PKN2: variants seen among roughly 807,000 people sequenced by gnomAD.
The protein encoded by PKN2 is serine/threonine-protein kinase N2.
Under a neutral mutation model 119.1 loss-of-function variants are expected in PKN2, and 38 were observed. The observed-to-expected ratio is 0.32, with a 90% CI of 0.25 to 0.42. PKN2 has a LOEUF of 0.42. PKN2 is among the 10% of genes least tolerant of loss of function. The pLI, the probability that PKN2 is intolerant of heterozygous loss-of-function variation, is 1.00. For missense variants in PKN2, 850 were observed against 1,165.1 expected (o/e 0.73, Z 3.94); for synonymous variants, 390 against 384.9 (o/e 1.01, Z -0.15).
intron 1 of PKN2, among the ~76,000 whole-genome samples, chr1:88,708,648 G>GA (rs1485433712): frequency 7.3e-6 from 1 of 137,238 alleles, no homozygotes; most frequent in African/African-American, 2.7e-5. Flanking sequence ...TTAAAGTAGA[G>GA]ATGGGGTTTC....
intron 1 of PKN2, among the ~76,000 whole-genome samples, chr1:88,685,795 G>A (rs1029342173): frequency 6.6e-6 from 1 of 152,162 alleles, no homozygotes; most frequent in African/African-American, 2.4e-5. Flanking sequence ...AAGAAATTCT[G>A]AAGAGTTGAT....
At chr1:88,780,987 AAAGTTATAT>A (rs1298722007) in intron 6 of PKN2, 3 of 636,544 alleles carry the variant, frequency 4.7e-6, no homozygotes, top group Non-Finnish European at 5.9e-6. Flanking sequence ...AACTTTACTC[AAAGTTATAT>A]AAGTCACCAA....
At chr1:88,781,219 C>T in intron 6 of PKN2, 1 of 1,126,098 alleles carries the variant, frequency 8.9e-7, no homozygotes, top group African/African-American at 1.6e-5. Context: ...TGGTTCGTCT[C>T]ATACTCCAGT....
chr1:88,763,373 C>T (rs1035547976), intron 3 of PKN2, among the ~76,000 whole-genome samples: 1 of 151,970 alleles, frequency 6.6e-6, no homozygotes, highest in African/African-American at 2.4e-5. Context: ...TTTGGAAGGC[C>T]GAGGCAGGTG....
intron 16 of PKN2, among the ~76,000 whole-genome samples, chr1:88,819,857 A>G (rs1227918176): frequency 6.6e-6 from 1 of 152,110 alleles, no homozygotes; most frequent in African/African-American, 2.4e-5. Flanking sequence ...TGTCCTTTGC[A>G]GGACATGGAT....
rs200846685 is a variant in PKN2 at position 88,733,529 on chromosome 1, A to G, written c.49-7459A>G. Among the ~76,000 whole-genome samples the G allele has an allele frequency of 7.9e-5, 12 of 152,014 alleles. No individual in the cohort carries two copies. The East Asian group carries it at 2.3e-3, about 29-fold the overall frequency. On this transcript the variant is annotated intron_variant, in intron 1 of 21. Coordinates refer to ENST00000370521, the MANE Select transcript of PKN2 (RefSeq NM_006256.4). The stretch of plus-strand genomic sequence containing the variant: ...TAGGCCTTTTGCCCATTTTTTGATC[A>G]GGTTATTTGTTTGTTATTGAGTGTT...
At chr1:88,694,062 T>TCC (rs1666432009) in intron 1 of PKN2, among the ~76,000 whole-genome samples, 1 of 152,212 alleles carries the variant, frequency 6.6e-6, no homozygotes, top group Non-Finnish European at 1.5e-5. Context: ...CCTACATATG[T>TCC]ACATATGCAT....
At chr1:88,805,704 C>G in intron 11 of PKN2, 33 bp downstream of exon 11, 1 of 1,610,012 alleles carries the variant, frequency 6.2e-7, no homozygotes, top group Non-Finnish European at 8.5e-7. Flanking sequence ...ATCTCTTATA[C>G]AAAGTTATTG....
intron 3 of PKN2, among the ~76,000 whole-genome samples, chr1:88,769,753 A>G (rs1296319690): frequency 6.6e-6 from 1 of 152,168 alleles, no homozygotes; most frequent in Non-Finnish European, 1.5e-5. Context: ...TGTGGAATCC[A>G]AAAAAAGCTG....
chr1:88,783,776 C>G (rs949536693), intron 6 of PKN2, among the ~76,000 whole-genome samples: 1 of 152,032 alleles, frequency 6.6e-6, no homozygotes, highest in African/African-American at 2.4e-5. Flanking sequence ...ATTTTGAACA[C>G]CTTTAGTATT....
chr1:88,796,678 A>C (rs1368381756), intron 8 of PKN2, among the ~76,000 whole-genome samples: 2 of 152,168 alleles, frequency 1.3e-5, no homozygotes, highest in Non-Finnish European at 2.9e-5. Flanking sequence ...CCCTTACAAA[A>C]AAATTGGTCA....
At chr1:88,751,568 T>C (rs1436456007) in intron 2 of PKN2, among the ~76,000 whole-genome samples, 1 of 152,144 alleles carries the variant, frequency 6.6e-6, no homozygotes, top group African/African-American at 2.4e-5. Flanking sequence ...GAATGGCAAA[T>C]CACCTTTCTA....
intron 1 of PKN2, among the ~76,000 whole-genome samples, chr1:88,686,930 A>G (rs987519047): frequency 1.3e-5 from 2 of 152,120 alleles, no homozygotes; most frequent in African/African-American, 4.8e-5. Context: ...TAAGTATTTA[A>G]GAAGTTTTGT....
At position 88,742,142 on chromosome 1, in the gene PKN2, G is replaced by A. The variant is rs115978523; in HGVS notation, c.349+854G>A. On this transcript the variant is annotated intron_variant, in intron 2 of 21. Transcript: ENST00000370521. The stretch of plus-strand genomic sequence containing the variant: ...CAAGACATTATCAATCTCTGTAACT[G>A]TCAATTTTTTTATTTGCAAAGAAAA... Among the ~76,000 whole-genome samples the A allele has an allele frequency of 3.0e-3, 452 of 152,058 alleles. 4 individuals carry two copies. Among genetic ancestry groups the A allele is most frequent in the African/African-American group, 0.01 (430 of 41,466 alleles).
chr1:88,770,305 A>C, intron 3 of PKN2, 47 bp from the exon 4 acceptor site: 1 of 1,096,266 alleles, frequency 9.1e-7, no homozygotes, highest in Non-Finnish European at 1.4e-6. Context: ...AAAATGTTTC[A>C]TTTTTCCCTT....
At chr1:88,706,624 C>G (rs1202109296) in intron 1 of PKN2, among the ~76,000 whole-genome samples, 1 of 152,084 alleles carries the variant, frequency 6.6e-6, no homozygotes, top group African/African-American at 2.4e-5. Flanking sequence ...TGTATTTGCC[C>G]TTTAATTACA....
chr1:88,780,382 A>G (rs1279555401), intron 6 of PKN2, among the ~76,000 whole-genome samples: 1 of 152,168 alleles, frequency 6.6e-6, no homozygotes, highest in Non-Finnish European at 1.5e-5. Context: ...TTAGGGCACC[A>G]TGAACTGAGA....
Position 88,784,504 on chromosome 1 carries a change from C to T in PKN2, c.986-135C>T, listed in dbSNP as rs17130605. ...TTAAAATAGGAAAGATGATAGCTACCTCATAGATCCTCTGGGAGAAGAGTT... is the reference window on the plus strand; with the variant it reads ...TTAAAATAGGAAAGATGATAGCTACTTCATAGATCCTCTGGGAGAAGAGTT... On this transcript the variant is annotated intron_variant, in intron 6 of 21. Coordinates refer to ENST00000370521, the MANE Select transcript of PKN2 (RefSeq NM_006256.4). 1,595 of 437,770 alleles carry T rather than the reference C, an allele frequency of 3.6e-3. 28 individuals carry two copies. In the East Asian group the frequency reaches 0.039, roughly 11 times the overall value. The allele number at this position is 437,770 out of a possible 1,614,324, so 27.1% of individuals were successfully genotyped here.
intron 1 of PKN2, among the ~76,000 whole-genome samples, chr1:88,689,963 G>A (rs965464462): frequency 1.3e-5 from 2 of 152,130 alleles, no homozygotes; most frequent in African/African-American, 4.8e-5. Context: ...AATTTGCAGC[G>A]CATACTTTGC....
Sources: gnomAD v4.1 joint callset for allele counts (sites outside exome capture counted in the v4.1 genomes callset) on GRCh38, gnomAD v4.1.1 for gene constraint, MANE v1.5 for transcripts, NCBI Gene and HGNC (gene_info 2026-07-23, HGNC 2026-07-21) for gene names.